SET: variants seen among roughly 807,000 people sequenced by gnomAD.
SET encodes SET nuclear proto-oncogene.
A neutral mutation model predicts 39.0 loss-of-function variants in SET; 4 were observed. The observed-to-expected ratio is 0.10, with a 90% CI of 0.05 to 0.23. The LOEUF (loss-of-function observed/expected upper bound fraction) is 0.23. SET is among the 10% of genes least tolerant of loss of function. The pLI is 1.00. For synonymous variants in SET, 114 were observed against 115.9 expected (o/e 0.98, Z 0.11); for missense variants, 137 against 329.7 (o/e 0.42, Z 4.53).
upstream of SET, chr9:128,685,232 C>T (rs1564355428): frequency 1.3e-6 from 2 of 1,578,796 alleles, no homozygotes; most frequent in Non-Finnish European, 1.7e-6. Context: ...CATAAAACAA[C>T]TTGTGCTTGT....
exon 1 of SET, chr9:128,683,827 C>A: frequency 1.5e-6 from 2 of 1,347,044 alleles, no homozygotes; most frequent in Non-Finnish European, 2.0e-6. Flanking sequence ...CTGGGGCAGT[C>A]TCAGTGTTCA....
upstream of SET, among the ~76,000 whole-genome samples, chr9:128,689,057 C>A (rs1861390294): frequency 6.7e-6 from 1 of 150,170 alleles, no homozygotes; most frequent in Non-Finnish European, 1.5e-5. Context: ...GGCGGCCGTG[C>A]GTCGCCGCGC....
At chr9:128,683,677 A>C in exon 1 of SET, 1 of 482,124 alleles carries the variant, frequency 2.1e-6, no homozygotes, top group Non-Finnish European at 3.7e-6. Flanking sequence ...AGCGAGGCAG[A>C]GAGCAACTAA....
At chr9:128,692,106 A>C in intron 3 of SET, 106 bp downstream of exon 3, 1 of 1,375,374 alleles carries the variant, frequency 7.3e-7, no homozygotes. Context: ...CAACAAAGAC[A>C]GGCTGGGTGC....
At chr9:128,689,173 G>C, upstream of SET, 4 of 760,240 alleles carry the variant, frequency 5.3e-6, no homozygotes, top group Non-Finnish European at 6.4e-6. Flanking sequence ...TCCCCGGCCG[G>C]AGGCGGAGCA....
At chr9:128,693,559 A>T in intron 5 of SET, 79 bp from the exon 6 acceptor site, 1 of 1,421,626 alleles carries the variant, frequency 7.0e-7, no homozygotes, top group Non-Finnish European at 9.3e-7. Flanking sequence ...GCTTTTGGGG[A>T]AAATCTTATT....
upstream of SET, chr9:128,689,095 T>A (rs1467108284): frequency 5.4e-6 from 1 of 185,460 alleles, no homozygotes; most frequent in Non-Finnish European, 1.0e-5. Context: ...CGCCGGGCCC[T>A]GTGTCTCCGC....
At chr9:128,691,016 A>G (rs1472284742) in intron 1 of SET, 154 bp from the exon 2 acceptor site, 1 of 719,862 alleles carries the variant, frequency 1.4e-6, no homozygotes, top group East Asian at 2.5e-5. Flanking sequence ...TTAAAAAGAA[A>G]TTAGTCAGCT....
chr9:128,688,121 G>A (rs1861352226), upstream of SET, among the ~76,000 whole-genome samples: 2 of 152,112 alleles, frequency 1.3e-5, no homozygotes, highest in Non-Finnish European at 2.9e-5. Flanking sequence ...CGAGGCAGGA[G>A]AATTGCTTGA....
chr9:128,687,798 C>G (rs947571969), upstream of SET, among the ~76,000 whole-genome samples: 9 of 152,152 alleles, frequency 5.9e-5, no homozygotes, highest in African/African-American at 2.2e-4. Flanking sequence ...CATTGGGGCT[C>G]ATTGAAGCCT....
At chr9:128,685,006 G>C (rs971838280), upstream of SET, 4 of 1,449,680 alleles carry the variant, frequency 2.8e-6, no homozygotes, top group African/African-American at 5.7e-5. Flanking sequence ...GAGCCTTCCT[G>C]GGCTGGGTGT....
At chr9:128,691,248 C>A (rs748564005) in intron 2 of SET, 21 bp downstream of exon 2, 2 of 1,514,326 alleles carry the variant, frequency 1.3e-6, no homozygotes, top group Non-Finnish European at 1.8e-6. Context: ...TCTTAATATA[C>A]TTCGGAGAAA....
chr9:128,693,045 C>G (rs1182870416), intron 5 of SET, 64 bp downstream of exon 5: 2 of 1,035,954 alleles, frequency 1.9e-6, no homozygotes, highest in Non-Finnish European at 2.9e-6. Context: ...GTTTTAACCA[C>G]TTACAAGTGC....
Position 128,689,266 on chromosome 9 carries a change from C to G in SET, c.-317C>G. The G allele has an allele frequency of 9.9e-7, 1 of 1,007,954 alleles. No individual in the cohort carries two copies. 62.4% of individuals were successfully genotyped at this position (1,007,954 alleles called of 1,614,324 possible). A position where few individuals can be genotyped will look rare whatever the true frequency, so the allele number is the denominator to read the frequency against. ...TGGAGGAGGAGGCGGCTCGGGAGAG[C>G]GAGCAGCGAGCTGGCTGGATCGCCG... On this transcript the variant is annotated 5_prime_UTR_variant, in exon 1 of 8. Transcript: ENST00000322030.
chr9:128,691,781 A>T, intron 2 of SET, 77 bp from the exon 3 acceptor site: 1 of 1,401,780 alleles, frequency 7.1e-7, no homozygotes, highest in African/African-American at 1.4e-5. Flanking sequence ...TAGTAAGTAA[A>T]TACACTCTGT....
exon 1 of SET, chr9:128,683,889 T>C: frequency 6.5e-7 from 1 of 1,549,350 alleles, no homozygotes; most frequent in Non-Finnish European, 8.7e-7. Context: ...GGGACTTCCC[T>C]AACAGCATGG....
At chr9:128,683,999 A>G (rs758023705) in exon 1 of SET, 19 of 1,550,504 alleles carry the variant, frequency 1.2e-5, no homozygotes, top group African/African-American at 2.7e-5. Context: ...GGCTTGCCGA[A>G]GAAGGGAGGT....
chr9:128,690,370 C>G (rs1290478777), intron 1 of SET: 1 of 152,582 alleles, frequency 6.6e-6, no homozygotes, highest in African/African-American at 2.4e-5. Context: ...GGGGGGCTGC[C>G]AATCCGGGAT....
intron 3 of SET, 193 bp from the exon 4 acceptor site, chr9:128,692,469 T>G (rs375981406): frequency 1.6e-5 from 8 of 514,162 alleles, no homozygotes; most frequent in Middle Eastern, 5.2e-4. Context: ...CTATTCTGTT[T>G]AGGAGAAGCT....
Sources: allele counts gnomAD v4.1 joint callset (sites outside exome capture counted in the v4.1 genomes callset), GRCh38; gene constraint gnomAD v4.1.1; transcripts MANE v1.5; gene names NCBI Gene and HGNC (gene_info 2026-07-23, HGNC 2026-07-21).